SPATA18: variants seen among roughly 807,000 people sequenced by gnomAD.
SPATA18 encodes spermatogenesis associated 18, also known as mitochondria-eating protein.
Under a neutral mutation model 68.1 loss-of-function variants are expected in SPATA18, and 54 were observed. The observed-to-expected ratio is 0.79, with a 90% CI of 0.64 to 0.99. The LOEUF is 0.99. Among genes scored for constraint, SPATA18 ranks in the 50% least tolerant of loss-of-function variants. The pLI, the probability that SPATA18 is intolerant of heterozygous loss-of-function variation, is 0.00. For missense variants in SPATA18, 724 were observed against 681.1 expected (o/e 1.06, Z -0.70); for synonymous variants, 242 against 244.8 (o/e 0.99, Z 0.11).
intron 11 of SPATA18, among the ~76,000 whole-genome samples, chr4:52,089,969 G>C (rs895603381): frequency 6.6e-6 from 1 of 152,166 alleles, no homozygotes; most frequent in African/African-American, 2.4e-5. Flanking sequence ...GGGTGCTTCT[G>C]TATTGGGTGC....
intron 7 of SPATA18, chr4:52,078,382 A>G (rs1740595467): frequency 6.0e-6 from 1 of 167,938 alleles, no homozygotes; most frequent in Admixed American, 6.1e-5. Flanking sequence ...TATAACATAA[A>G]CACTAGACTG....
At chr4:52,076,639 G>C in intron 6 of SPATA18, 140 bp from the exon 7 acceptor site, 1 of 1,090,618 alleles carries the variant, frequency 9.2e-7, no homozygotes, top group Non-Finnish European at 1.3e-6. Context: ...TCAGATAATA[G>C]GGAAGTCTAA....
At chr4:52,058,295 T>A (rs2109410978) in intron 1 of SPATA18, among the ~76,000 whole-genome samples, 2 of 151,318 alleles carry the variant, frequency 1.3e-5, no homozygotes, top group South Asian at 4.2e-4. Flanking sequence ...GAACTCATGA[T>A]CTTTTTGGGA....
chr4:52,096,364 A>G lies in SPATA18; in HGVS notation c.*1477A>G, dbSNP rs1001546356. 2 of 152,136 alleles carry G rather than the reference A, an allele frequency of 1.3e-5. No individual in the cohort carries two copies. Among genetic ancestry groups the G allele is most frequent in the African/African-American group, 4.8e-5 (2 of 41,440 alleles). The allele number at this position is 152,136 out of a possible 1,614,324, so 9.4% of individuals were successfully genotyped here. A position where few individuals can be genotyped will look rare whatever the true frequency, so the allele number is the denominator to read the frequency against. On this transcript the variant is annotated 3_prime_UTR_variant, in exon 13 of 13. Coordinates refer to ENST00000295213, the MANE Select transcript of SPATA18 (RefSeq NM_145263.4). The stretch of plus-strand genomic sequence containing the variant: ...CACTTCTCTGAGCCTTGGTTTTATC[A>G]TAGGGTGAGGAGGTTGGATACAATT...
At chr4:52,067,557 A>G (rs1224803676) in intron 4 of SPATA18, among the ~76,000 whole-genome samples, 2 of 152,144 alleles carry the variant, frequency 1.3e-5, no homozygotes, top group East Asian at 1.9e-4. Context: ...ATTGCCTGAA[A>G]GAACTTTTCA....
chr4:52,060,996 A>G, intron 3 of SPATA18, 99 bp downstream of exon 3: 2 of 896,586 alleles, frequency 2.2e-6, no homozygotes, highest in Non-Finnish European at 3.5e-6. Flanking sequence ...TGGTAGACTG[A>G]TAGAGTGTCA....
intron 10 of SPATA18, among the ~76,000 whole-genome samples, chr4:52,084,485 A>G (rs959568883): frequency 1.3e-5 from 2 of 152,194 alleles, no homozygotes; most frequent in African/African-American, 4.8e-5. Context: ...TGTTTTATTC[A>G]TTCATCCAAT....
intron 11 of SPATA18, among the ~76,000 whole-genome samples, chr4:52,091,404 G>T (rs185349840): frequency 2.0e-3 from 309 of 152,274 alleles, no homozygotes; most frequent in African/African-American, 6.9e-3. Context: ...TTTTGTGCTG[G>T]TTTTTCCCCA....
intron 11 of SPATA18, among the ~76,000 whole-genome samples, chr4:52,092,191 A>G (rs527861296): frequency 2.6e-5 from 4 of 151,462 alleles, no homozygotes; most frequent in African/African-American, 9.7e-5. Context: ...GCCTGGGTTC[A>G]TTGCCCCCTT....
chr4:52,051,630 C>T lies in SPATA18; in HGVS notation c.-75C>T, dbSNP rs993025001. 2 of 1,375,638 alleles carry T rather than the reference C, an allele frequency of 1.5e-6. No individual in the cohort carries two copies. The highest frequency in any genetic ancestry group is 1.7e-5 in the Admixed American group (1 of 59,636). 85.2% of individuals were successfully genotyped at this position (1,375,638 alleles called of 1,614,324 possible). A position where few individuals can be genotyped will look rare whatever the true frequency, so the allele number is the denominator to read the frequency against. On this transcript the variant is annotated 5_prime_UTR_variant, in exon 1 of 13. It adds an upstream start codon to the 5' untranslated region. Coordinates refer to ENST00000295213, the MANE Select transcript of SPATA18 (RefSeq NM_145263.4). ...ACACCCTTCCCGCCATATCACCCCA[C>T]GGTCCTGCGGAGGCCACCGCCTGGT...
rs929289509 is a variant in SPATA18, at chr4:52,095,014, C to T, written c.*127C>T. On this transcript the variant is annotated 3_prime_UTR_variant, in exon 13 of 13. Transcript: ENST00000295213. ...TGTCAAAAGGCAATTCTGTGTATCA[C>T]CCCACACAGAGAGTTAAATGTTTTG... is the stretch of plus-strand genomic sequence containing the variant. The T allele has an allele frequency of 1.0e-4, 110 of 1,090,448 alleles. 1 individual carries two copies. The highest frequency in any genetic ancestry group is 1.5e-4 in the Non-Finnish European group (105 of 714,088). 67.5% of individuals were successfully genotyped at this position (1,090,448 alleles called of 1,614,324 possible). A position where few individuals can be genotyped will look rare whatever the true frequency, so the allele number is the denominator to read the frequency against.
Position 52,082,388 on chromosome 4 carries a change from T to TA in SPATA18, c.1358dup (p.Tyr453Ter). 6.2e-7 allele frequency: 1 copy of TA among 1,613,702 alleles called. No individual in the cohort carries two copies. The highest frequency in any genetic ancestry group is 8.5e-7 in the Non-Finnish European group (1 of 1,179,728). Residue 453 changes from tyrosine to a stop codon, truncating the protein, a stop_gained and frameshift_variant and splice_region_variant, in exon 10 of 13, where the codon TAC (tyrosine) becomes TAAC (stop). Transcript: ENST00000295213. LOFTEE classifies it high-confidence loss of function. ...ADGEVFNDCK[Y>*]RRSYDSDFTA... ...TCTTTTTTTGTATATTGAAAACAGA[T>TA]ACCGCCGCAGCTACGACTCGGATTT...
intron 5 of SPATA18, among the ~76,000 whole-genome samples, chr4:52,070,880 TGGGG>T (rs34959256): frequency 7.0e-6 from 1 of 143,776 alleles, no homozygotes; most frequent in Non-Finnish European, 1.6e-5. Context: ...AAAGAGTAAG[TGGGG>T]GGGGGGGTGT....
chr4:52,078,134 A>G (rs1358491584), intron 7 of SPATA18, among the ~76,000 whole-genome samples: 1 of 151,268 alleles, frequency 6.6e-6, no homozygotes, highest in East Asian at 1.9e-4. Flanking sequence ...CAGAAACTGT[A>G]TGTAGCTCAA....
chr4:52,059,912 A>G (rs1442559809), intron 1 of SPATA18, among the ~76,000 whole-genome samples: 1 of 152,186 alleles, frequency 6.6e-6, no homozygotes, highest in East Asian at 1.9e-4. Flanking sequence ...TTTTAAATGT[A>G]TTTTTGTAGG....
At chr4:52,088,314 T>A (rs1417588632) in intron 11 of SPATA18, among the ~76,000 whole-genome samples, 1 of 152,208 alleles carries the variant, frequency 6.6e-6, no homozygotes, top group Non-Finnish European at 1.5e-5. Flanking sequence ...CTGTGTTGAA[T>A]AGGAGTGGTG....
At chr4:52,065,618 C>G (rs1421160960) in intron 4 of SPATA18, among the ~76,000 whole-genome samples, 1 of 152,144 alleles carries the variant, frequency 6.6e-6, no homozygotes, top group Non-Finnish European at 1.5e-5. Context: ...TAAGGTATCA[C>G]TAAAAGAATT....
chr4:52,079,491 AG>A (rs1740726908), intron 8 of SPATA18, among the ~76,000 whole-genome samples: 1 of 152,222 alleles, frequency 6.6e-6, no homozygotes, highest in South Asian at 2.1e-4. Flanking sequence ...AAGCCACAGA[AG>A]GTTTTTTTCC....
At chr4:52,070,131 C>A (rs1739677860) in intron 5 of SPATA18, among the ~76,000 whole-genome samples, 1 of 151,270 alleles carries the variant, frequency 6.6e-6, no homozygotes, top group South Asian at 2.1e-4. Context: ...ATATAAAAAC[C>A]CTTTCATAAT....
Sources: allele counts gnomAD v4.1 joint callset (sites outside exome capture counted in the v4.1 genomes callset), GRCh38; gene constraint gnomAD v4.1.1; transcripts MANE v1.5; gene names NCBI Gene and HGNC (gene_info 2026-07-23, HGNC 2026-07-21).